CDH13: variants seen among roughly 807,000 people sequenced by gnomAD.
The protein encoded by CDH13 is cadherin 13, also known as cadherin-13.
A neutral mutation model predicts 63.8 loss-of-function variants in CDH13; 24 were observed. The ratio of observed to expected loss-of-function variants is 0.38; its 90% CI spans 0.27 to 0.53. CDH13 has a LOEUF of 0.53. Ranked by LOEUF, CDH13 falls within the 20% of genes least tolerant of loss-of-function variation. The probability of loss-of-function intolerance (pLI) is 0.85; values close to 1 mark genes in which losing one functional copy is unlikely to be tolerated. For synonymous variants in CDH13, 503 were observed against 355.3 expected (o/e 1.42, Z -4.67); for missense variants, 1,049 against 903.1 (o/e 1.16, Z -2.07).
intron 2 of CDH13, among the ~76,000 whole-genome samples, chr16:83,020,101 T>C (rs1178102910): frequency 6.6e-6 from 1 of 152,184 alleles, no homozygotes; most frequent in Non-Finnish European, 1.5e-5. Flanking sequence ...ATTGCTATCA[T>C]ATATGTGTTC....
intron 2 of CDH13, among the ~76,000 whole-genome samples, chr16:82,998,969 G>C (rs748178860): frequency 6.8e-6 from 1 of 148,128 alleles, no homozygotes; most frequent in African/African-American, 2.5e-5. Flanking sequence ...TTTTCCTTAC[G>C]CACATGAATA....
At chr16:83,771,108 G>T (rs751440005) in intron 11 of CDH13, among the ~76,000 whole-genome samples, 2 of 152,112 alleles carry the variant, frequency 1.3e-5, no homozygotes, top group Non-Finnish European at 2.9e-5. Flanking sequence ...AGCCTGCCTG[G>T]TTTGCTTGGA....
At chr16:83,130,580 G>A (rs535824459) in intron 4 of CDH13, among the ~76,000 whole-genome samples, 3 of 152,336 alleles carry the variant, frequency 2.0e-5, no homozygotes, top group South Asian at 4.1e-4. Context: ...GTTAGTGGTA[G>A]AATATAAGTT....
In CDH13 at chr16:83,267,275, C is replaced by T. The variant is rs112573402; in HGVS notation, c.636+49778C>T. ...CCAGGGATGGTTAATTCCCCACCTC[C>T]GCAGCATCAGGGATTGGGTTCTCTC... On this transcript the variant is annotated intron_variant, in intron 5 of 13. Coordinates refer to ENST00000567109, the MANE Select transcript of CDH13 (RefSeq NM_001257.5). Among the ~76,000 whole-genome samples, 793 of 152,244 alleles carry T rather than the reference C, an allele frequency of 5.2e-3. 9 individuals are homozygous for T. Among genetic ancestry groups the T allele is most frequent in the African/African-American group, 0.017 (714 of 41,520 alleles).
intron 6 of CDH13, among the ~76,000 whole-genome samples, chr16:83,349,179 T>C (rs1388830243): frequency 1.3e-5 from 2 of 152,208 alleles, no homozygotes; most frequent in Non-Finnish European, 2.9e-5. Context: ...TCGTGAGCTG[T>C]TGCTTTTGCA....
chr16:82,853,530 C>T (rs1450780751), intron 1 of CDH13, among the ~76,000 whole-genome samples: 1 of 152,170 alleles, frequency 6.6e-6, no homozygotes, highest in Non-Finnish European at 1.5e-5. Context: ...TCCTGCTTTT[C>T]AGCTTAGAAA....
intron 1 of CDH13, among the ~76,000 whole-genome samples, chr16:82,724,132 G>C (rs1016795440): frequency 3.3e-5 from 5 of 152,000 alleles, no homozygotes; most frequent in African/African-American, 9.7e-5. Context: ...AATTGTGCAG[G>C]GTAAAGAGGT....
intron 2 of CDH13, among the ~76,000 whole-genome samples, chr16:82,980,767 C>T (rs894833718): frequency 9.2e-5 from 14 of 152,302 alleles, no homozygotes; most frequent in South Asian, 2.1e-4. Context: ...CCAAGAACCT[C>T]CTTGTCTTCT....
At chr16:83,455,412 G>C (rs1168515918) in intron 6 of CDH13, among the ~76,000 whole-genome samples, 4 of 152,142 alleles carry the variant, frequency 2.6e-5, no homozygotes, top group Non-Finnish European at 4.4e-5. Flanking sequence ...ATGAGTCGCA[G>C]GTTCCATCCA....
intron 9 of CDH13, among the ~76,000 whole-genome samples, chr16:83,677,739 A>G (rs1021507220): frequency 6.6e-5 from 10 of 152,144 alleles, no homozygotes; most frequent in Admixed American, 6.5e-4. Context: ...CTATAAAGCT[A>G]CTGAGGATTG....
intron 6 of CDH13, among the ~76,000 whole-genome samples, chr16:83,473,661 A>G (rs17685535): frequency 0.23 from 35,530 of 152,146 alleles, 4,259 homozygotes; most frequent in Middle Eastern, 0.29. Flanking sequence ...AAGGTCCTCA[A>G]TAGCCACTCT....
intron 7 of CDH13, among the ~76,000 whole-genome samples, chr16:83,504,006 T>C (rs1427397075): frequency 2.6e-5 from 4 of 152,082 alleles, no homozygotes; most frequent in African/African-American, 4.8e-5. Flanking sequence ...CCAATGCATG[T>C]GGGGCTTAAA....
intron 4 of CDH13, among the ~76,000 whole-genome samples, chr16:83,205,603 CTTTTTTT>C (rs141688507): frequency 1.9e-5 from 2 of 104,426 alleles, no homozygotes; most frequent in Non-Finnish European, 2.0e-5. Context: ...AGAGGAAAAC[CTTTTTTT>C]TTTTTTTTTT....
chr16:83,364,419 G>A (rs181578114), intron 6 of CDH13, among the ~76,000 whole-genome samples: 12 of 152,198 alleles, frequency 7.9e-5, no homozygotes, highest in Non-Finnish European at 1.3e-4. Context: ...GCATTATCCC[G>A]AGAAATAGAT....
chr16:82,993,462 G>A (rs946857922), intron 2 of CDH13, among the ~76,000 whole-genome samples: 3 of 152,160 alleles, frequency 2.0e-5, no homozygotes, highest in Non-Finnish European at 4.4e-5. Context: ...AATTGACTCC[G>A]TGAGGACTCT....
chr16:83,281,249 A>C (rs888897986), intron 5 of CDH13, among the ~76,000 whole-genome samples: 13 of 152,232 alleles, frequency 8.5e-5, no homozygotes, highest in Admixed American at 2.0e-4. Flanking sequence ...TGCTTCGCCT[A>C]GCACTATGTT....
chr16:82,854,922 A>ATG (rs1273534103), intron 1 of CDH13, among the ~76,000 whole-genome samples: 3 of 152,182 alleles, frequency 2.0e-5, no homozygotes, highest in African/African-American at 7.2e-5. Context: ...GCTTTGGACA[A>ATG]TGTGTAGCAA....
At chr16:82,978,548 G>T (rs1481940373) in intron 2 of CDH13, among the ~76,000 whole-genome samples, 1 of 152,240 alleles carries the variant, frequency 6.6e-6, no homozygotes, top group African/African-American at 2.4e-5. Context: ...ATAGCTAAAA[G>T]AGGCCAAGGT....
chr16:82,679,605 C>A (rs1310346204), intron 1 of CDH13, among the ~76,000 whole-genome samples: 1 of 152,142 alleles, frequency 6.6e-6, no homozygotes, highest in Non-Finnish European at 1.5e-5. Flanking sequence ...GCATCAGACT[C>A]CCCTGGTTTT....
Sources: gnomAD v4.1 joint callset for allele counts (sites outside exome capture counted in the v4.1 genomes callset) on GRCh38, gnomAD v4.1.1 for gene constraint, MANE v1.5 for transcripts, NCBI Gene and HGNC (gene_info 2026-07-23, HGNC 2026-07-21) for gene names.